LAP3: variants seen among roughly 807,000 people sequenced by gnomAD.
LAP3 encodes cytosol aminopeptidase.
In LAP3, 46 loss-of-function variants were observed where a neutral mutation model predicts 58.8. The observed-to-expected ratio is 0.78, with a 90% CI of 0.62 to 1.00. The LOEUF is 1.00. Among genes scored for constraint, LAP3 ranks in the 50% least tolerant of loss-of-function variants. The pLI, the probability that LAP3 is intolerant of heterozygous loss-of-function variation, is 0.00. For missense variants in LAP3, 615 were observed against 659.1 expected, an observed-to-expected ratio of 0.93 and a Z score of 0.73; for synonymous variants, 257 against 237.7, an observed-to-expected ratio of 1.08 and a Z score of -0.75.
chr4:17,604,810 TAGA>T, intron 11 of LAP3, 143 bp downstream of exon 11: 1 of 668,674 alleles, frequency 1.5e-6, no homozygotes. Context: ...ACCACAGCAA[TAGA>T]TTGAGTTCAG....
rs1350154480 is a variant in LAP3, at chr4:17,577,424, A to T, written c.-42A>T. The stretch of plus-strand genomic sequence containing the variant: ...AAGGCGCGCCCGCCCACCGCTCTCC[A>T]CGTGCTCGCTGGAGGGCGGTGCGAG... On this transcript the variant is annotated 5_prime_UTR_variant, in exon 1 of 13. Coordinates refer to ENST00000226299, the MANE Select transcript of LAP3 (RefSeq NM_015907.3). 8 of 1,470,338 alleles carry T rather than the reference A, an allele frequency of 5.4e-6. No individual in the cohort carries two copies. The highest frequency in any genetic ancestry group is 7.3e-6 in the Non-Finnish European group (8 of 1,094,734). 91.1% of individuals were successfully genotyped at this position (1,470,338 alleles called of 1,614,324 possible).
intron 3 of LAP3, chr4:17,582,028 T>G: frequency 1.7e-6 from 1 of 594,942 alleles, no homozygotes; most frequent in African/African-American, 1.9e-5. Flanking sequence ...TATCCGGTTG[T>G]GGCTCTGGCT....
intron 2 of LAP3, among the ~76,000 whole-genome samples, chr4:17,580,739 A>G (rs1254234351): frequency 2.0e-5 from 3 of 152,178 alleles, no homozygotes; most frequent in African/African-American, 7.2e-5. Flanking sequence ...ATATCTGTGA[A>G]TCACCTGAGG....
intron 10 of LAP3, among the ~76,000 whole-genome samples, chr4:17,599,449 T>C (rs1440844163): frequency 6.6e-6 from 1 of 152,048 alleles, no homozygotes; most frequent in East Asian, 1.9e-4. Flanking sequence ...GGCAGGAGAA[T>C]TGCTTAAACC....
At chr4:17,588,233 A>C (rs2109019927) in intron 6 of LAP3, among the ~76,000 whole-genome samples, 1 of 152,008 alleles carries the variant, frequency 6.6e-6, no homozygotes, top group Middle Eastern at 3.4e-3. Flanking sequence ...CCAAGTCTCA[A>C]CTTGTTGCCT....
intron 7 of LAP3, among the ~76,000 whole-genome samples, chr4:17,590,298 A>G (rs1040847106): frequency 1.3e-5 from 2 of 152,100 alleles, no homozygotes; most frequent in Non-Finnish European, 2.9e-5. Context: ...CCCCTTGTAC[A>G]TTTTTGTGCC....
At chr4:17,593,565 G>A (rs148280294) in intron 7 of LAP3, among the ~76,000 whole-genome samples, 3 of 147,080 alleles carry the variant, frequency 2.0e-5, no homozygotes, top group East Asian at 4.0e-4. Flanking sequence ...AATGACTTTG[G>A]CTACATCCTT....
At chr4:17,584,442 G>T (rs1330242561) in intron 5 of LAP3, among the ~76,000 whole-genome samples, 1 of 152,214 alleles carries the variant, frequency 6.6e-6, no homozygotes. Flanking sequence ...TGAAACACGT[G>T]CCTGTATCCT....
intron 10 of LAP3, among the ~76,000 whole-genome samples, chr4:17,599,824 A>G (rs1358834996): frequency 6.6e-6 from 1 of 152,004 alleles, no homozygotes; most frequent in East Asian, 1.9e-4. Context: ...CCAGCGCTTT[A>G]AGGCCAGGCT....
chr4:17,582,634 A>G (rs1448451928), intron 4 of LAP3: 4 of 378,626 alleles, frequency 1.1e-5, no homozygotes, highest in Non-Finnish European at 1.9e-5. Context: ...TTTTACTACC[A>G]TTTGTTCGCT....
chr4:17,583,434 G>C (rs1324078517), intron 4 of LAP3, 49 bp from the exon 5 acceptor site: 1 of 1,606,788 alleles, frequency 6.2e-7, no homozygotes, highest in South Asian at 1.1e-5. Flanking sequence ...TCTGCTCTTT[G>C]AGTTGTCTTG....
intron 5 of LAP3, 189 bp from the exon 6 acceptor site, chr4:17,584,783 C>A (rs1168267560): frequency 5.9e-6 from 3 of 511,438 alleles, no homozygotes; most frequent in Non-Finnish European, 1.0e-5. Flanking sequence ...TGTTTTCTAG[C>A]TTTCTGCACC....
chr4:17,595,449 C>T lies in LAP3; in HGVS notation c.903C>T (p.Leu301=), dbSNP rs770086878. 4 of 1,613,958 alleles carry T rather than the reference C, an allele frequency of 2.5e-6. No individual in the cohort carries two copies. The highest frequency in any genetic ancestry group is 1.1e-5 in the South Asian group (1 of 91,080). ...ISIKASANMD[L]MRADMGGAAT... Reference sequence around the variant, plus strand: ...TCAAGGCTTCTGCAAATATGGACCTCATGAGGGCTGACATGGGAGGAGCTG... The same window carrying T: ...TCAAGGCTTCTGCAAATATGGACCTTATGAGGGCTGACATGGGAGGAGCTG... The change falls in exon 8 of 13, where the codon CTC becomes CTT. Residue 301 remains leucine, a synonymous_variant. Coordinates refer to ENST00000226299, the MANE Select transcript of LAP3 (RefSeq NM_015907.3).
chr4:17,583,940 C>A (rs921011847), intron 5 of LAP3, among the ~76,000 whole-genome samples: 1 of 152,206 alleles, frequency 6.6e-6, no homozygotes, highest in African/African-American at 2.4e-5. Context: ...AGACATATCC[C>A]ACAGGTTTCA....
chr4:17,577,517 G>A lies in LAP3; in HGVS notation c.52G>A (p.Ala18Thr), dbSNP rs781018284. Residue 18 changes from alanine (A) to threonine (T), a missense_variant, in exon 1 of 13, where the codon GCC becomes ACC. Coordinates refer to ENST00000226299, the MANE Select transcript of LAP3 (RefSeq NM_015907.3). Reference sequence around the variant, plus strand: ...GGGGCGAGTAGTCGTCCGACGTCTGGCCGTGAGACGTTTCGGGAGCCGGAG... The same window carrying A: ...GGGGCGAGTAGTCGTCCGACGTCTGACCGTGAGACGTTTCGGGAGCCGGAG... ...AAGRVVVRRL[A>T]VRRFGSRSLS... is the part of the protein sequence containing the mutation. 2.5e-6 allele frequency: 4 copies of A among 1,586,918 alleles called. No homozygotes were observed. The highest frequency in any genetic ancestry group is 2.3e-5 in the South Asian group (2 of 87,220).
intron 1 of LAP3, 29 bp downstream of exon 1, chr4:17,577,596 G>A: frequency 6.7e-7 from 1 of 1,499,546 alleles, no homozygotes; most frequent in Non-Finnish European, 9.0e-7. Flanking sequence ...CTCATGGTCC[G>A]CCGCTGGGGC....
chr4:17,596,222 G>C (rs1465635150), intron 8 of LAP3, among the ~76,000 whole-genome samples: 1 of 152,120 alleles, frequency 6.6e-6, no homozygotes, highest in Non-Finnish European at 1.5e-5. Flanking sequence ...TAAGAAAAAG[G>C]ACATTCTATG....
intron 8 of LAP3, among the ~76,000 whole-genome samples, chr4:17,596,201 G>A (rs935050483): frequency 3.9e-5 from 6 of 151,980 alleles, no homozygotes; most frequent in Admixed American, 2.0e-4. Flanking sequence ...CAGACATCAC[G>A]ACACGTCCTC....
chr4:17,586,814 A>G (rs3775925), intron 6 of LAP3, among the ~76,000 whole-genome samples: 94,361 of 151,994 alleles, frequency 0.62, 29,933 homozygotes, highest in East Asian at 0.88. Context: ...TAATAAGAAT[A>G]TGGAGTCTAG....
Sources: gnomAD v4.1 joint callset for allele counts (sites outside exome capture counted in the v4.1 genomes callset) on GRCh38, gnomAD v4.1.1 for gene constraint, MANE v1.5 for transcripts, NCBI Gene and HGNC (gene_info 2026-07-23, HGNC 2026-07-21) for gene names.